The following TAT variants were observed in gnomAD, a reference collection of about 807,000 sequenced individuals.
TAT encodes L-tyrosine:2-oxoglutarate aminotransferase.
TAT carries 35 observed loss-of-function variants against 53.6 expected under a neutral mutation model. The observed-to-expected ratio is 0.65, with a 90% CI of 0.50 to 0.87. The LOEUF is 0.87. Ranked by LOEUF, TAT falls within the 40% of genes least tolerant of loss-of-function variation. TAT has a pLI of 0.00. For synonymous variants in TAT, 197 were observed against 206.5 expected (o/e 0.95, Z 0.39); for missense variants, 525 against 571.8 (o/e 0.92, Z 0.83).
At chr16:71,571,689 A>C in intron 6 of TAT, 31 bp from the exon 7 acceptor site, 3 of 1,607,504 alleles carry the variant, frequency 1.9e-6, no homozygotes, top group Non-Finnish European at 2.6e-6. Context: ...AATCAGTTTT[A>C]ATGTGAATTG....
intron 10 of TAT, among the ~76,000 whole-genome samples, 192 bp downstream of exon 10, chr16:71,569,662 T>C (rs934041412): frequency 9.9e-5 from 15 of 152,202 alleles, no homozygotes; most frequent in Admixed American, 9.2e-4. Flanking sequence ...TTTAAAGAGT[T>C]TTATGAGAAC....
At chr16:71,576,134 G>A (rs1395879459) in intron 2 of TAT, 47 bp downstream of exon 2, 11 of 1,608,938 alleles carry the variant, frequency 6.8e-6, no homozygotes, top group Admixed American at 1.7e-5. Context: ...GTGAACATGA[G>A]AGTAGAGGAG....
intron 3 of TAT, chr16:71,575,691 A>G (rs1209693828): frequency 3.4e-6 from 2 of 588,664 alleles, no homozygotes; most frequent in Non-Finnish European, 6.1e-6. Context: ...TTGGGAGCCT[A>G]GAGGGGAAGT....
chr16:71,572,332 G>GA lies in TAT; in HGVS notation c.568-9dup. 1 of 1,614,184 alleles carries GA rather than the reference G, an allele frequency of 6.2e-7. No individual in the cohort carries two copies. The highest frequency in any genetic ancestry group is 1.1e-5 in the South Asian group (1 of 91,086). The stretch of plus-strand genomic sequence containing the variant: ...TTCCCAAGATTTCTCTGGCTGGAGA[G>GA]AAAGAAAGGATGAGACTAAGATGAT... On this transcript the variant is annotated splice_polypyrimidine_tract_variant and intron_variant, in intron 5 of 11. Coordinates refer to ENST00000355962, the MANE Select transcript of TAT (RefSeq NM_000353.3).
In TAT at chr16:71,569,906, G is replaced by C; in HGVS notation, c.1073C>G (p.Ala358Gly). Reference sequence around the variant, plus strand: ...GACTGGCCGGAGTCCAGGGATGGCAGCCAACGCCCCATAACAGAGATCAGC... The same window carrying C: ...GACTGGCCGGAGTCCAGGGATGGCACCCAACGCCCCATAACAGAGATCAGC... ...SNADLCYGAL[A>G]AIPGLRPVRP... The change falls in exon 10 of 12, where the codon GCT becomes GGT. Residue 358 changes from alanine to glycine, a missense_variant. Coordinates refer to ENST00000355962, the MANE Select transcript of TAT (RefSeq NM_000353.3). The C allele has an allele frequency of 2.5e-6, 4 of 1,613,892 alleles. No homozygotes were observed. The highest frequency in any genetic ancestry group is 3.4e-6 in the Non-Finnish European group (4 of 1,179,938).
In TAT at chr16:71,565,701, G is replaced by GCACACACACACACACACACACA. The variant is rs59287517; in HGVS notation, c.*2421_*2442dup. On this transcript the variant is annotated 3_prime_UTR_variant, in exon 12 of 12. Transcript: ENST00000355962. ...TACTTTATTTGAAAAAATGAAAAGT[G>GCACACACACACACACACACACA]CACACACACACACACACACACACAC... The GCACACACACACACACACACACA allele has an allele frequency of 1.4e-4, 21 of 148,934 alleles. No individual in the cohort carries two copies. Among genetic ancestry groups the GCACACACACACACACACACACA allele is most frequent in the African/African-American group, 5.0e-4 (20 of 39,956 alleles). The allele number at this position is 148,934 out of a possible 1,614,324, so 9.2% of individuals were successfully genotyped here.
At chr16:71,568,905 T>C in intron 10 of TAT, 96 bp from the exon 11 acceptor site, 1 of 839,258 alleles carries the variant, frequency 1.2e-6, no homozygotes, top group Non-Finnish European at 2.0e-6. Flanking sequence ...CTTTAAAAGA[T>C]ATCTTGGAAC....
At position 71,567,544 on chromosome 16, in the gene TAT, C is replaced by T. The variant is rs955656248; in HGVS notation, c.*600G>A. On this transcript the variant is annotated 3_prime_UTR_variant, in exon 12 of 12. Transcript: ENST00000355962. Reference sequence around the variant, plus strand: ...AATTAAAGGATATTTATTTGCATCACAAAATAATTCTTTACTCCCCCCAAA... The same window carrying T: ...AATTAAAGGATATTTATTTGCATCATAAAATAATTCTTTACTCCCCCCAAA... 1 of 152,540 alleles carries T rather than the reference C, an allele frequency of 6.6e-6. No homozygotes were observed. The highest frequency in any genetic ancestry group is 2.4e-5 in the African/African-American group (1 of 41,430). 9.4% of individuals were successfully genotyped at this position (152,540 alleles called of 1,614,324 possible).
At position 71,568,198 on chromosome 16, in the gene TAT, G is replaced by A; in HGVS notation, c.1311C>T (p.Phe437=). The A allele has an allele frequency of 1.2e-6, 2 of 1,614,248 alleles. No homozygotes were observed. Among genetic ancestry groups the A allele is most frequent in the Non-Finnish European group, 1.7e-6 (2 of 1,180,040 alleles). ...CAGCACAATGGTAGTGCTGCTCACAGAACTCCTGGATCCGGCTGCACGCCT... is the reference window on the plus strand; with the variant it reads ...CAGCACAATGGTAGTGCTGCTCACAAAACTCCTGGATCCGGCTGCACGCCT... ...MLEACSRIQE[F]CEQHYHCAEG... Residue 437 remains phenylalanine, a synonymous_variant, in exon 12 of 12, where the codon TTC becomes TTT. Coordinates refer to ENST00000355962, the MANE Select transcript of TAT (RefSeq NM_000353.3).
At chr16:71,572,799 G>A (rs958860571) in intron 4 of TAT, 111 bp from the exon 5 acceptor site, 2 of 1,224,790 alleles carry the variant, frequency 1.6e-6, no homozygotes, top group Admixed American at 3.8e-5. Flanking sequence ...TTAACAAGTT[G>A]TAAGTAGTAG....
In TAT at chr16:71,567,770, G is replaced by GTATCATTAAAAAA; in HGVS notation, c.*373_*374insTTTTTTAATGATA. 2.8e-5 allele frequency: 9 copies of GTATCATTAAAAAA among 319,424 alleles called. No individual in the cohort carries two copies. The highest frequency in any genetic ancestry group is 4.5e-5 in the Admixed American group (1 of 22,412). 19.8% of individuals were successfully genotyped at this position (319,424 alleles called of 1,614,324 possible). A position where few individuals can be genotyped will look rare whatever the true frequency, so the allele number is the denominator to read the frequency against. ...CTTAGAGTCTGAGGAAATGGTTGGG[G>GTATCATTAAAAAA]GCACAAATTCTCTCAATCTTTTTCT... On this transcript the variant is annotated 3_prime_UTR_variant, in exon 12 of 12. Coordinates refer to ENST00000355962, the MANE Select transcript of TAT (RefSeq NM_000353.3).
rs550530050 is a variant in TAT, at chr16:71,568,306, A to T, written c.1225-22T>A. On this transcript the variant is annotated intron_variant, in intron 11 of 11. Transcript: ENST00000355962. ...AGCACTGCAAAAAGAAGAGTCTGTT[A>T]CTTTCAGAGCAATTGAGTCTGGTAC... The T allele has an allele frequency of 8.6e-5, 138 of 1,613,748 alleles. 3 individuals are homozygous for T. The South Asian group carries it at 1.4e-3, about 17-fold the overall frequency.
At chr16:71,569,503 A>AT (rs1250035370) in intron 10 of TAT, among the ~76,000 whole-genome samples, 2 of 151,676 alleles carry the variant, frequency 1.3e-5, no homozygotes, top group African/African-American at 2.4e-5. Context: ...CGCCCAGCTC[A>AT]TTTTTTTTAT....
chr16:71,576,063 G>T, intron 2 of TAT, 37 bp from the exon 3 acceptor site: 1 of 1,612,226 alleles, frequency 6.2e-7, no homozygotes, highest in Non-Finnish European at 8.5e-7. Flanking sequence ...GAGCCAAGAG[G>T]TTATTCTCCC....
In TAT at chr16:71,572,341, G is replaced by A. The variant is rs763497248; in HGVS notation, c.568-17C>T. 3 of 1,614,152 alleles carry A rather than the reference G, an allele frequency of 1.9e-6. No homozygotes were observed. Among genetic ancestry groups the A allele is most frequent in the East Asian group, 2.2e-5 (1 of 44,888 alleles). ...TTTCTCTGGCTGGAGAGAAAGAAAG[G>A]ATGAGACTAAGATGATTCTGAAACA... On this transcript the variant is annotated splice_polypyrimidine_tract_variant and intron_variant, in intron 5 of 11. Transcript: ENST00000355962.
At chr16:71,574,449 C>T (rs1244617454) in intron 3 of TAT, among the ~76,000 whole-genome samples, 2 of 151,890 alleles carry the variant, frequency 1.3e-5, no homozygotes, top group Admixed American at 6.6e-5. Context: ...GGCATTGTGG[C>T]GCGTGCCTGT....
chr16:71,568,278 C>T lies in TAT; in HGVS notation c.1231G>A (p.Glu411Lys). ...SVHCLPATCF[E>K]YPNFIRVVIT... ...ACCACTCGGATGAAATTCGGGTACT[C>T]AAAGCACTGCAAAAAGAAGAGTCTG... The change falls in exon 12 of 12, where the codon GAG (glutamate) becomes AAG (lysine). Residue 411 changes from glutamate (E) to lysine (K), a missense_variant. By Grantham distance (56) the Glu-to-Lys change is moderately conservative. Transcript: ENST00000355962. 6.2e-7 allele frequency: 1 copy of T among 1,614,104 alleles called. No individual in the cohort carries two copies. The highest frequency in any genetic ancestry group is 1.1e-5 in the South Asian group (1 of 91,062).
chr16:71,574,091 C>T (rs1349730010), intron 3 of TAT, among the ~76,000 whole-genome samples: 1 of 152,222 alleles, frequency 6.6e-6, no homozygotes, highest in Non-Finnish European at 1.5e-5. Context: ...GTTCAGCTCT[C>T]AGCCATTGTG....
In TAT at chr16:71,573,510, T is replaced by C. The variant is rs772612804; in HGVS notation, c.408+29A>G. Reference sequence around the variant, plus strand: ...AAGGGATAGTTTGCCCTAAATTGCTTCAGAGCTGGTGTCTTGTATAAGGCT... The same window carrying C: ...AAGGGATAGTTTGCCCTAAATTGCTCCAGAGCTGGTGTCTTGTATAAGGCT... On this transcript the variant is annotated intron_variant, in intron 4 of 11. Transcript: ENST00000355962. 5 of 1,548,526 alleles carry C rather than the reference T, an allele frequency of 3.2e-6. No homozygotes were observed. In the African/African-American group the frequency reaches 6.9e-5, roughly 21 times the overall value.
Sources: allele counts gnomAD v4.1 joint callset (sites outside exome capture counted in the v4.1 genomes callset), GRCh38; gene constraint gnomAD v4.1.1; transcripts MANE v1.5; gene names NCBI Gene and HGNC (gene_info 2026-07-23, HGNC 2026-07-21).